Variants in ZDHHC17 observed in about 807,000 individuals in gnomAD.
The protein encoded by ZDHHC17 is zDHHC palmitoyltransferase 17.
A neutral mutation model predicts 90.3 loss-of-function variants in ZDHHC17; 40 were observed. The observed-to-expected ratio is 0.44, with a 90% confidence interval of 0.34 to 0.58. The LOEUF (loss-of-function observed/expected upper bound fraction) is 0.58. Among genes scored for constraint, ZDHHC17 ranks in the 20% least tolerant of loss-of-function variants. ZDHHC17 has a pLI of 0.01. For synonymous variants in ZDHHC17, 235 were observed against 252.4 expected (o/e 0.93, Z 0.65); for missense variants, 614 against 780.8 (o/e 0.79, Z 2.55).
rs33996476 is a variant in ZDHHC17, at chr12:76,841,988, A to G, written c.1148A>G (p.Asn383Ser). The G allele has an allele frequency of 0.1, 159,134 of 1,566,490 alleles. 9,089 individuals are homozygous for G. Among genetic ancestry groups the G allele is most frequent in the Admixed American group, 0.2 (10,538 of 51,948 alleles). The change falls in exon 11 of 17, where the codon AAC becomes AGC. Residue 383 changes from asparagine to serine, a missense_variant. Around this residue, in one of 5 missense-constraint regions of ZDHHC17, gnomAD observed 117 missense variants for 183.6 expected, o/e 0.64. Transcript: ENST00000426126. ...ATTCCTTAACCTTAGGCACATCTCAACTTTTTATTTATCCATCTTCCATTC... is the reference window on the plus strand; with the variant it reads ...ATTCCTTAACCTTAGGCACATCTCAGCTTTTTATTTATCCATCTTCCATTC... Reference protein sequence around the residue: ...TWFFWFWNDLNFLFIHLPFLA... With the variant: ...TWFFWFWNDLSFLFIHLPFLA...
intron 1 of ZDHHC17, among the ~76,000 whole-genome samples, chr12:76,765,415 G>T (rs1175605876): frequency 6.6e-6 from 1 of 152,164 alleles, no homozygotes; most frequent in African/African-American, 2.4e-5. Flanking sequence ...AAACACATGG[G>T]ACAGTTCCTT....
At chr12:76,794,775 A>G (rs1168355334) in intron 1 of ZDHHC17, among the ~76,000 whole-genome samples, 1 of 152,228 alleles carries the variant, frequency 6.6e-6, no homozygotes, top group African/African-American at 2.4e-5. Context: ...CATTATGTAC[A>G]GTAAATGAGG....
Position 76,810,946 on chromosome 12 carries a change from G to A in ZDHHC17, c.543+1089G>A, listed in dbSNP as rs1460615615. Among the ~76,000 whole-genome samples, 6 of 152,134 alleles carry A rather than the reference G, an allele frequency of 3.9e-5. No individual in the cohort carries two copies. In the South Asian group the frequency reaches 1.0e-3, roughly 26 times the overall value. On this transcript the variant is annotated intron_variant, in intron 5 of 16. Coordinates refer to ENST00000426126, the MANE Select transcript of ZDHHC17 (RefSeq NM_015336.4). ...TTAACTGGGAGGCTGGGGCAGCGAG[G>A]CCTCTTTCTTTCTCTATGTAGTGTC...
chr12:76,823,451 G>A (rs1333353721), intron 8 of ZDHHC17, among the ~76,000 whole-genome samples: 1 of 152,158 alleles, frequency 6.6e-6, no homozygotes, highest in Non-Finnish European at 1.5e-5. Flanking sequence ...CCCAGAGAGG[G>A]GGTCTAGGTT....
chr12:76,828,464 T>C lies in ZDHHC17; in HGVS notation c.1115T>C (p.Val372Ala), dbSNP rs1953257631. The change falls in exon 10 of 17, where the codon GTG becomes GCG. Residue 372 changes from valine (V) to alanine (A), a missense_variant. Physicochemically the swap from Val to Ala is moderately conservative, Grantham distance 64 (BLOSUM62 0). This residue lies in a region of ZDHHC17 where 117 missense variants were observed against 183.6 expected (regional missense o/e 0.64). Transcript: ENST00000426126. ...IYLATKFWMYVTWFFWFWNDL... is the reference protein window; with the variant it reads ...IYLATKFWMYATWFFWFWNDL... ...TTGGCAACCAAATTCTGGATGTATG[T>C]GACGTGGTTCTTCTGGTTTTGGAAT... is the stretch of plus-strand genomic sequence containing the variant. 1 of 1,613,356 alleles carries C rather than the reference T, an allele frequency of 6.2e-7. No homozygotes were observed. Among genetic ancestry groups the C allele is most frequent in the African/African-American group, 1.3e-5 (1 of 75,020 alleles).
chr12:76,785,249 T>A (rs74104848), intron 1 of ZDHHC17, among the ~76,000 whole-genome samples: 10 of 152,280 alleles, frequency 6.6e-5, no homozygotes, highest in African/African-American at 2.4e-4. Flanking sequence ...GGACCTTCAG[T>A]TTTTTAGGGT....
intron 7 of ZDHHC17, among the ~76,000 whole-genome samples, chr12:76,819,680 T>C (rs11115569): frequency 0.011 from 1,688 of 152,268 alleles, 11 homozygotes; most frequent in Non-Finnish European, 0.017. Flanking sequence ...CAAAACAAGA[T>C]AGAACTTATT....
In ZDHHC17 at chr12:76,805,197, G is replaced by T; in HGVS notation, c.198-120G>T. 1.0e-6 allele frequency: 1 copy of T among 984,846 alleles called. No individual in the cohort carries two copies. The highest frequency in any genetic ancestry group is 1.6e-5 in the South Asian group (1 of 62,492). The allele number at this position is 984,846 out of a possible 1,614,324, so 61.0% of individuals were successfully genotyped here. On this transcript the variant is annotated intron_variant, in intron 2 of 16. Coordinates refer to ENST00000426126, the MANE Select transcript of ZDHHC17 (RefSeq NM_015336.4). ...CATTTTAAAAGTAATATTCTATGTT[G>T]AGAAATACATTTTAATTTCCTAGTA...
chr12:76,848,382 A>G lies in ZDHHC17; in HGVS notation c.1657A>G (p.Met553Val). Residue 553 changes from methionine to valine, a missense_variant, in exon 15 of 17, where the codon ATG (methionine) becomes GTG (valine). By Grantham distance (21) the Met-to-Val change is conservative (BLOSUM62 1). This residue lies in a region of ZDHHC17 where 111 missense variants were observed against 179.8 expected (regional missense o/e 0.62). Coordinates refer to ENST00000426126, the MANE Select transcript of ZDHHC17 (RefSeq NM_015336.4). ...MWVAVLLMCQ[M>V]YQISCLGITT... ...GGTGGCTGTATTACTCATGTGTCAG[A>G]TGTACCAGGTATGTGCAAAGGCATT... The G allele has an allele frequency of 1.2e-6, 2 of 1,613,798 alleles. No individual in the cohort carries two copies. Among genetic ancestry groups the G allele is most frequent in the Non-Finnish European group, 1.7e-6 (2 of 1,179,762 alleles).
At chr12:76,827,139 A>T in intron 9 of ZDHHC17, 89 bp downstream of exon 9, 1 of 1,328,944 alleles carries the variant, frequency 7.5e-7, no homozygotes, top group South Asian at 1.6e-5. Context: ...TGTATGTTGT[A>T]CATTTGATCT....
At chr12:76,795,294 T>C (rs1408452241) in intron 1 of ZDHHC17, among the ~76,000 whole-genome samples, 1 of 150,460 alleles carries the variant, frequency 6.6e-6, no homozygotes, top group Non-Finnish European at 1.5e-5. Context: ...TTGTTGTTTT[T>C]GTTGTTGTTG....
At chr12:76,788,688 A>ATATATTTTTTTT (rs61663401) in intron 1 of ZDHHC17, among the ~76,000 whole-genome samples, 2 of 98,648 alleles carry the variant, frequency 2.0e-5, no homozygotes, top group Admixed American at 1.3e-4. Flanking sequence ...TGGAATCGCA[A>ATATATTTTTTTT]TTTTTTTTTT....
intron 12 of ZDHHC17, among the ~76,000 whole-genome samples, 196 bp downstream of exon 12, chr12:76,843,177 ACTTTTGATTCG>A (rs1313170091): frequency 6.6e-6 from 1 of 152,084 alleles, no homozygotes; most frequent in Non-Finnish European, 1.5e-5. Context: ...CCTTGACTGT[ACTTTTGATTCG>A]GAGGTGCCGT....
intron 3 of ZDHHC17, among the ~76,000 whole-genome samples, chr12:76,806,055 G>A (rs964569162): frequency 2.0e-5 from 3 of 152,128 alleles, no homozygotes; most frequent in African/African-American, 4.8e-5. Context: ...ATCTTGTTTA[G>A]TAGTCTTTTG....
chr12:76,846,935 G>A lies in ZDHHC17; in HGVS notation c.1507+256G>A, dbSNP rs190929644. Among the ~76,000 whole-genome samples the A allele has an allele frequency of 1.9e-3, 287 of 152,308 alleles. 2 individuals carry two copies. Among genetic ancestry groups the A allele is most frequent in the African/African-American group, 6.4e-3 (265 of 41,566 alleles). On this transcript the variant is annotated intron_variant, in intron 14 of 16. Transcript: ENST00000426126. The stretch of plus-strand genomic sequence containing the variant: ...AAAACATATTGGTTTAATAGGCTTT[G>A]AGAAGCTTCTGGGTGAAATACATCA...
At chr12:76,833,531 G>A (rs7132197) in intron 10 of ZDHHC17, among the ~76,000 whole-genome samples, 3,548 of 152,300 alleles carry the variant, frequency 0.023, 122 homozygotes, top group African/African-American at 0.079. Flanking sequence ...GGTGGCTCAC[G>A]CCTGTAATCC....
chr12:76,810,675 G>T (rs1471800038), intron 5 of ZDHHC17, among the ~76,000 whole-genome samples: 2 of 150,700 alleles, frequency 1.3e-5, no homozygotes, highest in African/African-American at 4.9e-5. Context: ...AGGAAAAGAG[G>T]CATAGACTGA....
intron 3 of ZDHHC17, among the ~76,000 whole-genome samples, chr12:76,807,823 T>A (rs1291160359): frequency 2.0e-5 from 3 of 152,210 alleles, no homozygotes; most frequent in Non-Finnish European, 4.4e-5. Flanking sequence ...CGATTTTTAA[T>A]AAAATATCAT....
intron 10 of ZDHHC17, among the ~76,000 whole-genome samples, chr12:76,837,172 G>A (rs1194580992): frequency 2.6e-5 from 4 of 152,120 alleles, no homozygotes; most frequent in Non-Finnish European, 4.4e-5. Context: ...GTTTTACTCT[G>A]TTTCCCAGGC....
Sources: gnomAD v4.1 joint callset for allele counts (sites outside exome capture counted in the v4.1 genomes callset) on GRCh38, gnomAD v4.1.1 for gene constraint, gnomAD v4.1.1 regional missense constraint, MANE v1.5 for transcripts, NCBI Gene and HGNC (gene_info 2026-07-23, HGNC 2026-07-21) for gene names.